Variants in CPNE8 observed in about 807,000 individuals in gnomAD.
The protein encoded by CPNE8 is copine-8.
A neutral mutation model predicts 81.5 loss-of-function variants in CPNE8; 45 were observed. That is an observed-to-expected ratio of 0.55 (90% CI 0.44 to 0.71). The LOEUF is 0.71. Ranked by LOEUF, CPNE8 falls within the 30% of genes least tolerant of loss-of-function variation. The pLI is 0.00. For synonymous variants in CPNE8, 252 were observed against 226.3 expected, an observed-to-expected ratio of 1.11 and a Z score of -1.02; for missense variants, 594 against 672.1, an observed-to-expected ratio of 0.88 and a Z score of 1.28.
At position 38,720,849 on chromosome 12, in the gene CPNE8, G is replaced by A. The variant is rs549307608; in HGVS notation, c.914+2923C>T. 6 of 152,382 alleles carry A rather than the reference G, an allele frequency of 3.9e-5. No individual in the cohort carries two copies. In the South Asian group the frequency reaches 8.3e-4, roughly 21 times the overall value. 9.4% of individuals were successfully genotyped at this position (152,382 alleles called of 1,614,324 possible). ...GGTGCACTGCAGTCATCCAAGCCAC[G>A]GCTACAGACTCAGACCTCCCAGGCC... On this transcript the variant is annotated intron_variant, in intron 13 of 19. Coordinates refer to ENST00000331366, the MANE Select transcript of CPNE8 (RefSeq NM_153634.3).
intron 13 of CPNE8, among the ~76,000 whole-genome samples, chr12:38,715,768 A>G (rs914831621): frequency 1.3e-5 from 2 of 152,130 alleles, no homozygotes; most frequent in African/African-American, 4.8e-5. Context: ...CTTCTATTCA[A>G]CATAGTATTG....
chr12:38,672,929 G>A (rs934936018), intron 18 of CPNE8, among the ~76,000 whole-genome samples: 1 of 151,200 alleles, frequency 6.6e-6, no homozygotes, highest in African/African-American at 2.4e-5. Flanking sequence ...GCTTTATGTG[G>A]TTAGCTGATG....
intron 16 of CPNE8, among the ~76,000 whole-genome samples, chr12:38,685,041 G>C (rs754794043): frequency 1.1e-4 from 17 of 152,088 alleles, no homozygotes; most frequent in Non-Finnish European, 2.2e-4. Context: ...ATTCATTTCA[G>C]AGAGATTAAA....
chr12:38,797,784 G>T (rs1430116951), intron 6 of CPNE8, among the ~76,000 whole-genome samples: 1 of 152,080 alleles, frequency 6.6e-6, no homozygotes, highest in Non-Finnish European at 1.5e-5. Context: ...CAATGGCAAA[G>T]AAGTTAAAAA....
At chr12:38,723,625 C>T in intron 13 of CPNE8, 147 bp downstream of exon 13, 8 of 655,742 alleles carry the variant, frequency 1.2e-5, no homozygotes, top group Middle Eastern at 2.5e-4. Context: ...TACGTTTTTT[C>T]TTTATATCTG....
Position 38,837,284 on chromosome 12 carries a change from A to T in CPNE8, c.330+2632T>A, listed in dbSNP as rs12422332. ...ATGCATCCAAATTTTCTAACTGAGT[A>T]AACTGTGTTGATGAATTATTCTCAA... On this transcript the variant is annotated intron_variant, in intron 5 of 19. Transcript: ENST00000331366. Among the ~76,000 whole-genome samples the T allele has an allele frequency of 2.7e-3, 407 of 152,224 alleles. 10 individuals are homozygous for T. The highest frequency in any genetic ancestry group is 0.024 in the Admixed American group (374 of 15,282).
At chr12:38,660,744 C>T (rs916022086) in intron 19 of CPNE8, among the ~76,000 whole-genome samples, 1 of 152,066 alleles carries the variant, frequency 6.6e-6, no homozygotes, top group Non-Finnish European at 1.5e-5. Context: ...CCAGAATCTA[C>T]AAAGCACTTA....
In CPNE8 at chr12:38,829,540, T is replaced by C. The variant is rs568012158; in HGVS notation, c.331-85A>G. On this transcript the variant is annotated intron_variant, in intron 5 of 19. Coordinates refer to ENST00000331366, the MANE Select transcript of CPNE8 (RefSeq NM_153634.3). ...TTTGTACATCATACATCTGCATTGT[T>C]TTCATTGCTGAAATATTGACATTTC... The C allele has an allele frequency of 1.1e-5, 10 of 882,796 alleles. No individual in the cohort carries two copies. The Admixed American group carries it at 1.9e-4, about 17-fold the overall frequency. The allele number at this position is 882,796 out of a possible 1,614,324, so 54.7% of individuals were successfully genotyped here.
intron 1 of CPNE8, among the ~76,000 whole-genome samples, chr12:38,890,450 C>CT: frequency 6.6e-6 from 1 of 152,196 alleles, no homozygotes; most frequent in Middle Eastern, 3.4e-3. Context: ...CTGTCTTTTC[C>CT]TTTTTTTATA....
chr12:38,765,082 T>C (rs1165559332), intron 8 of CPNE8, among the ~76,000 whole-genome samples: 1 of 152,236 alleles, frequency 6.6e-6, no homozygotes, highest in Non-Finnish European at 1.5e-5. Context: ...CATGTCCTTC[T>C]TACTGAGATA....
intron 1 of CPNE8, among the ~76,000 whole-genome samples, chr12:38,885,652 C>T (rs181843818): frequency 8.6e-5 from 13 of 152,034 alleles, no homozygotes; most frequent in African/African-American, 2.7e-4. Context: ...TTTTTAACTG[C>T]TTCCTCTACT....
At chr12:38,695,371 C>T (rs1215890402) in intron 14 of CPNE8, among the ~76,000 whole-genome samples, 1 of 152,168 alleles carries the variant, frequency 6.6e-6, no homozygotes, top group Non-Finnish European at 1.5e-5. Flanking sequence ...GGCCTAAGCA[C>T]ACAAACCAAC....
At chr12:38,768,080 A>C (rs889463876) in intron 7 of CPNE8, among the ~76,000 whole-genome samples, 2 of 151,876 alleles carry the variant, frequency 1.3e-5, no homozygotes, top group African/African-American at 4.8e-5. Context: ...TTTTTAGAAC[A>C]TAGTTAAAAA....
intron 16 of CPNE8, among the ~76,000 whole-genome samples, chr12:38,681,075 T>C (rs1216548526): frequency 6.6e-6 from 1 of 152,022 alleles, no homozygotes; most frequent in Non-Finnish European, 1.5e-5. Context: ...GAAATTTTCA[T>C]AATAGTCTGA....
intron 12 of CPNE8, among the ~76,000 whole-genome samples, chr12:38,724,299 C>T (rs1336652339): frequency 6.6e-6 from 1 of 152,072 alleles, no homozygotes; most frequent in Non-Finnish European, 1.5e-5. Context: ...GATTTTGCTA[C>T]TCCCCAAAAA....
intron 4 of CPNE8, 70 bp downstream of exon 4, chr12:38,848,489 C>A: frequency 2.7e-6 from 4 of 1,472,426 alleles, no homozygotes; most frequent in Non-Finnish European, 3.6e-6. Context: ...AACCATAGGA[C>A]CCTGCCTTAC....
intron 3 of CPNE8, among the ~76,000 whole-genome samples, chr12:38,865,069 G>A (rs958661663): frequency 1.8e-4 from 27 of 152,138 alleles, no homozygotes; most frequent in African/African-American, 6.3e-4. Flanking sequence ...GCCTACCTAA[G>A]GGTTCTGAAC....
At chr12:38,768,301 C>T (rs894074942) in intron 7 of CPNE8, among the ~76,000 whole-genome samples, 2 of 151,918 alleles carry the variant, frequency 1.3e-5, no homozygotes, top group Non-Finnish European at 2.9e-5. Context: ...AAACAATTTT[C>T]TTCTGTAACT....
chr12:38,655,371 T>C (rs1470885372), intron 19 of CPNE8, among the ~76,000 whole-genome samples: 1 of 152,144 alleles, frequency 6.6e-6, no homozygotes. Flanking sequence ...AGGGGCATAA[T>C]GATGCTTGAT....
Sources: allele counts gnomAD v4.1 joint callset (sites outside exome capture counted in the v4.1 genomes callset), GRCh38; gene constraint gnomAD v4.1.1; transcripts MANE v1.5; gene names NCBI Gene and HGNC (gene_info 2026-07-23, HGNC 2026-07-21).